EPHA5: variants seen among roughly 807,000 people sequenced by gnomAD.
The protein encoded by EPHA5 is ephrin type-A receptor 5.
Under a neutral mutation model 105.0 loss-of-function variants are expected in EPHA5, and 60 were observed. The observed-to-expected ratio is 0.57, with a 90% CI of 0.46 to 0.71. The LOEUF is 0.71. Ranked by LOEUF, EPHA5 falls within the 30% of genes least tolerant of loss-of-function variation. EPHA5 has a pLI of 0.00. For missense variants in EPHA5, 1,218 were observed against 1,274.7 expected, an observed-to-expected ratio of 0.96 and a Z score of 0.68; for synonymous variants, 513 against 449.1, an observed-to-expected ratio of 1.14 and a Z score of -1.80.
intron 2 of EPHA5, among the ~76,000 whole-genome samples, chr4:65,624,602 A>G (rs971445591): frequency 1.3e-5 from 2 of 152,248 alleles, no homozygotes; most frequent in Admixed American, 1.3e-4. Flanking sequence ...AAAATTCAAT[A>G]AACACAATGG....
At chr4:65,410,583 C>T (rs1166924590) in intron 7 of EPHA5, among the ~76,000 whole-genome samples, 1 of 152,060 alleles carries the variant, frequency 6.6e-6, no homozygotes, top group African/African-American at 2.4e-5. Flanking sequence ...TACACATTTA[C>T]AAAGGAATAC....
intron 2 of EPHA5, among the ~76,000 whole-genome samples, chr4:65,639,405 G>C (rs542102809): frequency 2.0e-5 from 3 of 152,256 alleles, no homozygotes; most frequent in Admixed American, 6.5e-5. Context: ...ATTTTGAAGA[G>C]GTCATCGCTT....
intron 5 of EPHA5, among the ~76,000 whole-genome samples, chr4:65,483,320 T>A (rs1730568502): frequency 6.6e-6 from 1 of 152,206 alleles, no homozygotes; most frequent in Non-Finnish European, 1.5e-5. Flanking sequence ...ACAATAAACA[T>A]ACGTGTGCAT....
chr4:65,408,567 CA>C (rs11312117), intron 7 of EPHA5, among the ~76,000 whole-genome samples: 119,440 of 151,060 alleles, frequency 0.79, 47,383 homozygotes, highest in South Asian at 0.92. Context: ...GACTTTTATG[CA>C]GCCAAAAAAC....
At chr4:65,593,681 C>T (rs1303065733) in intron 3 of EPHA5, among the ~76,000 whole-genome samples, 5 of 152,110 alleles carry the variant, frequency 3.3e-5, no homozygotes, top group Admixed American at 2.6e-4. Context: ...TAATATTTCA[C>T]AGAGGAAGAA....
chr4:65,562,185 C>A (rs1578428504), intron 3 of EPHA5, among the ~76,000 whole-genome samples: 1 of 152,204 alleles, frequency 6.6e-6, no homozygotes, highest in Non-Finnish European at 1.5e-5. Flanking sequence ...GGTGGCATTT[C>A]TCAACCGCAA....
intron 5 of EPHA5, among the ~76,000 whole-genome samples, chr4:65,467,491 C>A (rs767840056): frequency 9.2e-5 from 14 of 152,218 alleles, no homozygotes; most frequent in South Asian, 8.3e-4. Flanking sequence ...CATGCTATTT[C>A]TCTTAGTAAC....
chr4:65,586,851 T>C (rs1250043903), intron 3 of EPHA5, among the ~76,000 whole-genome samples: 2 of 152,022 alleles, frequency 1.3e-5, no homozygotes, highest in Non-Finnish European at 2.9e-5. Flanking sequence ...TGCAGCTGGG[T>C]GAGATAATGC....
chr4:65,643,023 G>C (rs1747802981), intron 2 of EPHA5, among the ~76,000 whole-genome samples: 1 of 151,960 alleles, frequency 6.6e-6, no homozygotes, highest in Admixed American at 6.6e-5. Flanking sequence ...CAAATTAATA[G>C]CAAATAAAAT....
chr4:65,536,717 C>T (rs116770473), intron 3 of EPHA5, among the ~76,000 whole-genome samples: 2,760 of 150,438 alleles, frequency 0.018, 84 homozygotes, highest in African/African-American at 0.062. Flanking sequence ...CAATTGTACT[C>T]TTTGAATTTG....
At chr4:65,337,484 C>T (rs1477448403) in intron 14 of EPHA5, among the ~76,000 whole-genome samples, 4 of 151,950 alleles carry the variant, frequency 2.6e-5, no homozygotes, top group Non-Finnish European at 5.9e-5. Context: ...AAGCATTCTC[C>T]TTATGATAAA....
At position 65,495,466 on chromosome 4, in the gene EPHA5, C is replaced by G. The variant is rs56205382; in HGVS notation, c.988G>C (p.Glu330Gln). The G allele has an allele frequency of 7.4e-6, 12 of 1,613,892 alleles. No individual in the cohort carries two copies. Among genetic ancestry groups the G allele is most frequent in the Non-Finnish European group, 9.3e-6 (11 of 1,179,850 alleles). The change falls in exon 4 of 17, where the codon GAG becomes CAG. Residue 330 changes from glutamate (E) to glutamine (Q), a missense_variant. Coordinates refer to ENST00000613740, the MANE Select transcript of EPHA5 (RefSeq NM_001281766.3). Reference sequence around the variant, plus strand: ...CAGACACAAGAGGTTGAAGCTTCCTCATGGGTATAACTGTGAGGTGGACAT... The same window carrying G: ...CAGACACAAGAGGTTGAAGCTTCCTGATGGGTATAACTGTGAGGTGGACAT... ...GKCPPHSYTHEEASTSCVCEK... is the reference protein window; with the variant it reads ...GKCPPHSYTHQEASTSCVCEK...
intron 2 of EPHA5, among the ~76,000 whole-genome samples, chr4:65,604,937 C>T (rs953905624): frequency 1.3e-5 from 2 of 152,056 alleles, no homozygotes; most frequent in Admixed American, 6.5e-5. Context: ...TTTGCTGATC[C>T]TTCGATTACT....
intron 8 of EPHA5, among the ~76,000 whole-genome samples, chr4:65,371,364 T>C (rs7686943): frequency 0.035 from 5,321 of 152,144 alleles, 307 homozygotes; most frequent in African/African-American, 0.12. Flanking sequence ...GATATATAAA[T>C]ATACCAATGA....
intron 2 of EPHA5, among the ~76,000 whole-genome samples, chr4:65,632,065 TTA>T (rs1746688352): frequency 2.0e-5 from 3 of 152,018 alleles, no homozygotes. Context: ...ATTGTAATCC[TTA>T]TAACAACCTT....
At chr4:65,564,044 A>T (rs1739282960) in intron 3 of EPHA5, among the ~76,000 whole-genome samples, 1 of 151,896 alleles carries the variant, frequency 6.6e-6, no homozygotes, top group Non-Finnish European at 1.5e-5. Context: ...TTGTTCAGCC[A>T]ACTTACTCTT....
rs564529640 is a variant in EPHA5, at chr4:65,659,809, G to A, written c.181+9753C>T. Among the ~76,000 whole-genome samples the A allele has an allele frequency of 2.0e-5, 3 of 152,100 alleles. No individual in the cohort carries two copies. In the South Asian group the frequency reaches 6.2e-4, roughly 32 times the overall value. On this transcript the variant is annotated intron_variant, in intron 1 of 16. Transcript: ENST00000613740. ...TGTTTATGCTCACCTAAGTAAAAAAGCTAAGCCTTATAAAATTACATTAAT... is the reference window on the plus strand; with the variant it reads ...TGTTTATGCTCACCTAAGTAAAAAAACTAAGCCTTATAAAATTACATTAAT...
chr4:65,445,653 G>T (rs1478424082), intron 5 of EPHA5, among the ~76,000 whole-genome samples: 1 of 151,988 alleles, frequency 6.6e-6, no homozygotes, highest in Non-Finnish European at 1.5e-5. Flanking sequence ...TTTTCCTATA[G>T]GTTGGTGTTC....
intron 5 of EPHA5, among the ~76,000 whole-genome samples, chr4:65,461,235 T>G (rs770162065): frequency 4.6e-5 from 7 of 151,948 alleles, no homozygotes; most frequent in Non-Finnish European, 1.0e-4. Flanking sequence ...GATGAAGACT[T>G]TAAGTGAAGA....
Sources: allele counts gnomAD v4.1 joint callset (sites outside exome capture counted in the v4.1 genomes callset), GRCh38; gene constraint gnomAD v4.1.1; transcripts MANE v1.5; gene names NCBI Gene and HGNC (gene_info 2026-07-23, HGNC 2026-07-21).